The following GLI2 variants were observed in gnomAD, a reference collection of about 807,000 sequenced individuals.
The protein encoded by GLI2 is GLI family zinc finger 2.
GLI2 carries 22 observed loss-of-function variants against 78.9 expected under a neutral mutation model. The observed-to-expected ratio is 0.28, with a 90% CI of 0.20 to 0.40. GLI2 has a LOEUF of 0.40. GLI2 is among the 10% of genes least tolerant of loss of function. GLI2 has a pLI of 1.00. For synonymous variants in GLI2, 974 were observed against 963.7 expected (o/e 1.01, Z -0.20); for missense variants, 2,097 against 2,213.2 (o/e 0.95, Z 1.05).
At chr2:120,925,325 G>A (rs1251632660) in intron 2 of GLI2, among the ~76,000 whole-genome samples, 1 of 152,208 alleles carries the variant, frequency 6.6e-6, no homozygotes, top group African/African-American at 2.4e-5. Flanking sequence ...GTGAAATTAT[G>A]AAGATGGAGT....
intron 1 of GLI2, among the ~76,000 whole-genome samples, chr2:120,749,993 A>G (rs983604402): frequency 3.3e-5 from 5 of 152,234 alleles, no homozygotes; most frequent in Non-Finnish European, 7.3e-5. Context: ...AAGATAGAAC[A>G]TCAACGTCAC....
chr2:120,955,275 T>A lies in GLI2; in HGVS notation c.488T>A (p.Leu163Gln), dbSNP rs746643815. ...VAQEHLKERG[L>Q]FGLPAPGTTP... Reference sequence around the variant, plus strand: ...CAGGAGCACCTTAAGGAGAGGGGACTGTTTGGCCTTCCTGCTCCAGGCACC... The same window carrying A: ...CAGGAGCACCTTAAGGAGAGGGGACAGTTTGGCCTTCCTGCTCCAGGCACC... Residue 163 changes from leucine (L) to glutamine (Q), a missense_variant, in exon 5 of 14, where the codon CTG becomes CAG. Physicochemically the swap from Leu to Gln is moderately radical, Grantham distance 113. Coordinates refer to ENST00000361492, the MANE Select transcript of GLI2 (RefSeq NM_001374353.1). 3 of 1,610,926 alleles carry A rather than the reference T, an allele frequency of 1.9e-6. No individual in the cohort carries two copies. The East Asian group carries it at 6.7e-5, about 36-fold the overall frequency.
intron 2 of GLI2, among the ~76,000 whole-genome samples, chr2:120,898,984 G>T (rs1678113012): frequency 6.6e-6 from 1 of 152,194 alleles, no homozygotes; most frequent in Admixed American, 6.5e-5. Context: ...TCCAGACACA[G>T]AAACGAAAGG....
intron 6 of GLI2, among the ~76,000 whole-genome samples, chr2:120,969,723 C>T (rs74570264): frequency 0.037 from 5,610 of 152,304 alleles, 124 homozygotes; most frequent in Middle Eastern, 0.061. Flanking sequence ...CCCCTCACAG[C>T]GCTCTCAGCA....
intron 1 of GLI2, among the ~76,000 whole-genome samples, chr2:120,756,417 A>C (rs11901641): frequency 0.22 from 33,684 of 151,928 alleles, 4,102 homozygotes; most frequent in Non-Finnish European, 0.27. Flanking sequence ...CTTTTTGTAG[A>C]TTTTGTCAGA....
At chr2:120,810,457 T>A (rs1482257347) in intron 2 of GLI2, among the ~76,000 whole-genome samples, 1 of 152,112 alleles carries the variant, frequency 6.6e-6, no homozygotes, top group Non-Finnish European at 1.5e-5. Flanking sequence ...CCTCATTTAG[T>A]CCCTTCCATT....
chr2:120,949,683 C>G (rs1680883944), intron 3 of GLI2, among the ~76,000 whole-genome samples: 1 of 152,192 alleles, frequency 6.6e-6, no homozygotes. Flanking sequence ...AAGGCAGAAG[C>G]AGGTTCGTGG....
At chr2:120,762,183 AG>A (rs1277169748) in intron 1 of GLI2, among the ~76,000 whole-genome samples, 1 of 151,968 alleles carries the variant, frequency 6.6e-6, no homozygotes, top group Non-Finnish European at 1.5e-5. Flanking sequence ...TCTCCGGCTT[AG>A]GGGTTTCTAC....
At chr2:120,961,343 A>G (rs1480861208) in intron 5 of GLI2, among the ~76,000 whole-genome samples, 2 of 152,188 alleles carry the variant, frequency 1.3e-5, no homozygotes, top group East Asian at 3.9e-4. Flanking sequence ...CCAGAGGCCC[A>G]AGTCAGACAG....
chr2:120,898,883 C>A (rs1035750816), intron 2 of GLI2, among the ~76,000 whole-genome samples: 4 of 152,176 alleles, frequency 2.6e-5, no homozygotes, highest in African/African-American at 9.7e-5. Context: ...TGGAACAAAT[C>A]TGTACATGGC....
At chr2:120,761,513 G>A (rs11122814) in intron 1 of GLI2, among the ~76,000 whole-genome samples, 8,652 of 152,294 alleles carry the variant, frequency 0.057, 380 homozygotes, top group Admixed American at 0.11. Context: ...GTGGACAGAG[G>A]AATTTGCAAC....
chr2:120,827,712 G>T (rs1686155027), intron 2 of GLI2, among the ~76,000 whole-genome samples: 1 of 152,230 alleles, frequency 6.6e-6, no homozygotes, highest in Admixed American at 6.5e-5. Flanking sequence ...CCTTAAAAAG[G>T]AAGGACATTC....
At chr2:120,987,559 G>GC (rs1347461034) in intron 13 of GLI2, among the ~76,000 whole-genome samples, 2 of 152,198 alleles carry the variant, frequency 1.3e-5, no homozygotes, top group African/African-American at 4.8e-5. Context: ...CGTCTCCTCT[G>GC]CCCACTCTTG....
chr2:120,765,196 C>T (rs951926461), intron 1 of GLI2, among the ~76,000 whole-genome samples: 5 of 152,182 alleles, frequency 3.3e-5, no homozygotes, highest in African/African-American at 1.2e-4. Flanking sequence ...ATCCTTGGGC[C>T]TCTCTCATGT....
chr2:120,814,283 C>T (rs1159908266), intron 2 of GLI2, among the ~76,000 whole-genome samples: 1 of 152,174 alleles, frequency 6.6e-6, no homozygotes, highest in Non-Finnish European at 1.5e-5. Context: ...AGGATCTGCC[C>T]TACAGAGATG....
chr2:120,951,120 T>G (rs1406067338), intron 3 of GLI2, 123 bp from the exon 4 acceptor site: 2 of 741,104 alleles, frequency 2.7e-6, no homozygotes, highest in African/African-American at 3.5e-5. Context: ...TAGCAAATAA[T>G]AAGTGCAGGT....
rs1400437764 is a variant in GLI2 at position 120,988,946 on chromosome 2, G to A, written c.2981G>A (p.Ser994Asn). Reference sequence around the variant, plus strand: ...GACAGGCGAGGCCTCCGCCTGCAGAGCCACCCGAGCACCGACGGCGGCCTG... The same window carrying A: ...GACAGGCGAGGCCTCCGCCTGCAGAACCACCCGAGCACCGACGGCGGCCTG... ...CADRRGLRLQ[S>N]HPSTDGGLAR... The change falls in exon 14 of 14, where the codon AGC becomes AAC. Residue 994 changes from serine (S) to asparagine (N), a missense_variant. Transcript: ENST00000361492. The A allele has an allele frequency of 1.3e-6, 2 of 1,535,070 alleles. No homozygotes were observed. Among genetic ancestry groups the A allele is most frequent in the Non-Finnish European group, 1.7e-6 (2 of 1,145,562 alleles).
In GLI2 at chr2:120,986,543, A is replaced by C; in HGVS notation, c.2171A>C (p.Lys724Thr). Reference protein sequence around the residue: ...QLKKEKLKSLKDSCSWAGPTP... With the variant: ...QLKKEKLKSLTDSCSWAGPTP... Reference sequence around the variant, plus strand: ...AAGAAGGAGAAGCTCAAGTCACTCAAGGATTCCTGCTCATGGGCCGGGCCG... The same window carrying C: ...AAGAAGGAGAAGCTCAAGTCACTCACGGATTCCTGCTCATGGGCCGGGCCG... The change falls in exon 13 of 14, where the codon AAG (lysine) becomes ACG (threonine). Residue 724 changes from lysine to threonine, a missense_variant. By Grantham distance (78) the Lys-to-Thr change is moderately conservative (BLOSUM62 -1). Transcript: ENST00000361492. 5 of 1,614,154 alleles carry C rather than the reference A, an allele frequency of 3.1e-6. No homozygotes were observed. Among genetic ancestry groups the C allele is most frequent in the Non-Finnish European group, 4.2e-6 (5 of 1,180,026 alleles).
At chr2:120,860,022 C>G (rs185737558) in intron 2 of GLI2, among the ~76,000 whole-genome samples, 3 of 152,174 alleles carry the variant, frequency 2.0e-5, no homozygotes, top group African/African-American at 7.2e-5. Flanking sequence ...TACTGAAGCA[C>G]GTGTAGAAAC....
Sources: allele counts gnomAD v4.1 joint callset (sites outside exome capture counted in the v4.1 genomes callset), GRCh38; gene constraint gnomAD v4.1.1; transcripts MANE v1.5; gene names NCBI Gene and HGNC (gene_info 2026-07-23, HGNC 2026-07-21).